Variants in DIP2B observed in about 807,000 individuals in gnomAD.
DIP2B encodes the protein disco-interacting protein 2 homolog B.
In DIP2B, 76 loss-of-function variants were observed where a neutral mutation model predicts 198.0. The observed-to-expected ratio is 0.38, with a 90% CI of 0.32 to 0.46. The LOEUF is 0.46. Ranked by LOEUF, DIP2B falls within the 20% of genes least tolerant of loss-of-function variation. The pLI is 0.99. For synonymous variants in DIP2B, 701 were observed against 739.1 expected (o/e 0.95, Z 0.84); for missense variants, 1,559 against 1,978.4 (o/e 0.79, Z 4.02).
chr12:50,509,608 A>G (rs1957996913), intron 1 of DIP2B, among the ~76,000 whole-genome samples: 2 of 152,250 alleles, frequency 1.3e-5, no homozygotes, highest in Non-Finnish European at 2.9e-5. Flanking sequence ...CCACGAAGGC[A>G]AAGGGATAAG....
intron 4 of DIP2B, among the ~76,000 whole-genome samples, chr12:50,661,359 A>T (rs979188637): frequency 6.6e-6 from 1 of 152,094 alleles, no homozygotes; most frequent in Non-Finnish European, 1.5e-5. Context: ...CACAGCTGTC[A>T]AGTTGTTGAG....
At chr12:50,563,337 C>G (rs1395672275) in intron 1 of DIP2B, among the ~76,000 whole-genome samples, 1 of 152,116 alleles carries the variant, frequency 6.6e-6, no homozygotes, top group Non-Finnish European at 1.5e-5. Flanking sequence ...TAGGTGCATG[C>G]CACCAGTCCT....
chr12:50,586,675 C>T (rs1486077683), intron 1 of DIP2B, among the ~76,000 whole-genome samples: 1 of 152,036 alleles, frequency 6.6e-6, no homozygotes, highest in South Asian at 2.1e-4. Flanking sequence ...CGGGTTCAAG[C>T]GATTCTCCTG....
At chr12:50,729,245 CTT>C (rs941131883) in intron 30 of DIP2B, among the ~76,000 whole-genome samples, 2 of 152,178 alleles carry the variant, frequency 1.3e-5, no homozygotes, top group African/African-American at 4.8e-5. Context: ...CCTGTTCTCT[CTT>C]TGTTAGGATA....
intron 2 of DIP2B, among the ~76,000 whole-genome samples, 183 bp downstream of exon 2, chr12:50,626,230 CT>C (rs1937932485): frequency 6.6e-6 from 1 of 152,176 alleles, no homozygotes; most frequent in Admixed American, 6.5e-5. Context: ...GTGCTAGGCA[CT>C]TTTAAAAATA....
chr12:50,670,319 C>G (rs1200112236), intron 4 of DIP2B, among the ~76,000 whole-genome samples: 2 of 152,102 alleles, frequency 1.3e-5, no homozygotes, highest in African/African-American at 2.4e-5. Flanking sequence ...GACTGGCTGC[C>G]TTTCCTACTA....
In DIP2B at chr12:50,691,036, T is replaced by C; in HGVS notation, c.1552-13T>C. The C allele has an allele frequency of 6.2e-7, 1 of 1,609,134 alleles. No homozygotes were observed. The highest frequency in any genetic ancestry group is 8.5e-7 in the Non-Finnish European group (1 of 1,176,632). Reference sequence around the variant, plus strand: ...TTTATTGTGTTTCTTATGTTTCTGTTTTTGTTTTCTAGTATAAAACAAGCA... The same window carrying C: ...TTTATTGTGTTTCTTATGTTTCTGTCTTTGTTTTCTAGTATAAAACAAGCA... On this transcript the variant is annotated splice_polypyrimidine_tract_variant and intron_variant, in intron 12 of 37. Coordinates refer to ENST00000301180, the MANE Select transcript of DIP2B (RefSeq NM_173602.3).
At chr12:50,611,977 T>C (rs547807496) in intron 1 of DIP2B, among the ~76,000 whole-genome samples, 7 of 151,670 alleles carry the variant, frequency 4.6e-5, no homozygotes, top group African/African-American at 1.7e-4. Context: ...GGCAGGAAGA[T>C]TGCTTGAACC....
chr12:50,737,610 T>G (rs1238915924), intron 35 of DIP2B, among the ~76,000 whole-genome samples: 2 of 151,960 alleles, frequency 1.3e-5, no homozygotes, highest in Admixed American at 1.3e-4. Context: ...AAATCTTTGT[T>G]TTTGTTTGTT....
chr12:50,643,451 G>T (rs926198260), intron 3 of DIP2B, among the ~76,000 whole-genome samples: 14 of 142,394 alleles, frequency 9.8e-5, no homozygotes, highest in Non-Finnish European at 1.7e-4. Context: ...GTGTGTGTGT[G>T]TTTTAAAGGA....
At chr12:50,546,993 C>A (rs563602599) in intron 1 of DIP2B, among the ~76,000 whole-genome samples, 1 of 152,182 alleles carries the variant, frequency 6.6e-6, no homozygotes, top group African/African-American at 2.4e-5. Context: ...ACTGCTTACT[C>A]GGAGGTTCGG....
At chr12:50,582,152 T>G (rs867620318) in intron 1 of DIP2B, among the ~76,000 whole-genome samples, 4,123 of 93,120 alleles carry the variant, frequency 0.044, 87 homozygotes, top group Non-Finnish European at 0.07. Flanking sequence ...TCTGTTTTTT[T>G]TTTTTTTTTT....
chr12:50,633,619 T>G (rs1938104083), intron 2 of DIP2B, among the ~76,000 whole-genome samples: 1 of 151,972 alleles, frequency 6.6e-6, no homozygotes, highest in Non-Finnish European at 1.5e-5. Flanking sequence ...TCAAAAAATT[T>G]GCCAGGTGTG....
chr12:50,672,686 T>C (rs1348885381), intron 5 of DIP2B, among the ~76,000 whole-genome samples: 1 of 152,212 alleles, frequency 6.6e-6, no homozygotes, highest in Non-Finnish European at 1.5e-5. Flanking sequence ...ATGATCCTAA[T>C]AGAAAAATTC....
At chr12:50,718,872 C>T in intron 24 of DIP2B, 54 bp downstream of exon 24, 1 of 1,611,062 alleles carries the variant, frequency 6.2e-7, no homozygotes. Flanking sequence ...ACAGAACTTA[C>T]TGCAGGTAGC....
At chr12:50,600,211 G>C (rs183511050) in intron 1 of DIP2B, among the ~76,000 whole-genome samples, 1 of 152,218 alleles carries the variant, frequency 6.6e-6, no homozygotes, top group East Asian at 1.9e-4. Context: ...ATAAAATCAG[G>C]ACAGTTGATT....
chr12:50,648,632 G>T (rs1307626980), intron 3 of DIP2B, among the ~76,000 whole-genome samples: 2 of 150,548 alleles, frequency 1.3e-5, no homozygotes, highest in Non-Finnish European at 2.9e-5. Context: ...CAAAGTGCTG[G>T]GATTACAGGC....
rs531289061 is a variant in DIP2B, at chr12:50,594,190, C to T, written c.101-31786C>T. On this transcript the variant is annotated intron_variant, in intron 1 of 37. Coordinates refer to ENST00000301180, the MANE Select transcript of DIP2B (RefSeq NM_173602.3). ...AATTCCTGAGCTCAGGTAATCCACCCGCCTCAGCCTCCCAAAGTGCTGGCA... is the reference window on the plus strand; with the variant it reads ...AATTCCTGAGCTCAGGTAATCCACCTGCCTCAGCCTCCCAAAGTGCTGGCA... 2.5e-4 allele frequency among the ~76,000 whole-genome samples: 38 copies of T among 151,562 alleles called. No individual in the cohort carries two copies. The South Asian group carries it at 6.9e-3, about 28-fold the overall frequency.
At chr12:50,693,095 A>G in intron 14 of DIP2B, 82 bp downstream of exon 14, 2 of 1,341,758 alleles carry the variant, frequency 1.5e-6, no homozygotes, top group East Asian at 2.4e-5. Flanking sequence ...AGCATCTCTC[A>G]GTGCTTGTTT....
Sources: gnomAD v4.1 joint callset for allele counts (sites outside exome capture counted in the v4.1 genomes callset) on GRCh38, gnomAD v4.1.1 for gene constraint, MANE v1.5 for transcripts, NCBI Gene and HGNC (gene_info 2026-07-23, HGNC 2026-07-21) for gene names.